The following AGO2 variants were observed in gnomAD, a reference collection of about 807,000 sequenced individuals.
The protein encoded by AGO2 is protein argonaute-2.
In AGO2, 5 loss-of-function variants were observed where a neutral mutation model predicts 102.3. The ratio of observed to expected loss-of-function variants is 0.05; its 90% CI spans 0.03 to 0.10. The LOEUF (loss-of-function observed/expected upper bound fraction) is 0.10. Ranked by LOEUF, AGO2 falls within the 10% of genes least tolerant of loss-of-function variation. AGO2 has a pLI of 1.00. For missense variants in AGO2, 541 were observed against 1,183.7 expected, an observed-to-expected ratio of 0.46 and a Z score of 7.97; for synonymous variants, 449 against 473.1, an observed-to-expected ratio of 0.95 and a Z score of 0.66.
In AGO2 at chr8:140,635,505, A is replaced by ATGG. The variant is rs2074396436; in HGVS notation, c.-2_1dup (p.Ala1_?0). ...CTCACCGGGGCCGGCTCCCGAGTAC[A>ATGG]TGGTGGCGCCGCCGAGGGGCTCCGG... On this transcript the variant is annotated start_lost and start_retained_variant, in exon 1 of 19. Transcript: ENST00000220592. 1.0e-6 allele frequency: 1 copy of ATGG among 978,178 alleles called. No homozygotes were observed. The highest frequency in any genetic ancestry group is 1.2e-6 in the Non-Finnish European group (1 of 827,310). The allele number at this position is 978,178 out of a possible 1,614,324, so 60.6% of individuals were successfully genotyped here.
intron 4 of AGO2, among the ~76,000 whole-genome samples, chr8:140,561,544 C>T (rs898100082): frequency 5.3e-5 from 8 of 152,242 alleles, no homozygotes; most frequent in African/African-American, 1.9e-4. Flanking sequence ...CCTTCCTCCA[C>T]CGATAGTTCA....
intron 1 of AGO2, among the ~76,000 whole-genome samples, chr8:140,611,644 G>A (rs2074080321): frequency 6.6e-6 from 1 of 152,010 alleles, no homozygotes; most frequent in Admixed American, 6.6e-5. Context: ...GGTCTCTTAA[G>A]CCTTTTGAAT....
At chr8:140,581,411 C>T (rs2073554752) in intron 2 of AGO2, among the ~76,000 whole-genome samples, 2 of 152,066 alleles carry the variant, frequency 1.3e-5, no homozygotes, top group African/African-American at 2.4e-5. Context: ...CTACTCCGGA[C>T]GGGTAGCTGA....
At chr8:140,607,368 G>A (rs2074010908) in intron 1 of AGO2, among the ~76,000 whole-genome samples, 1 of 151,230 alleles carries the variant, frequency 6.6e-6, no homozygotes, top group Non-Finnish European at 1.5e-5. Context: ...TGAGGCTGTA[G>A]TGTGCTATGA....
rs1022498843 is a variant in AGO2 at position 140,628,399 on chromosome 8, G to A, written c.22+7086C>T. Among the ~76,000 whole-genome samples the A allele has an allele frequency of 5.3e-5, 8 of 150,936 alleles. No homozygotes were observed. In the East Asian group the frequency reaches 1.5e-3, roughly 29 times the overall value. On this transcript the variant is annotated intron_variant, in intron 1 of 18. Transcript: ENST00000220592. ...GAGCTGCAGGCACGTGTGTGTGTGC[G>A]TGTGTGTGTGTTACATACCTGTGTG...
intron 1 of AGO2, among the ~76,000 whole-genome samples, chr8:140,623,995 G>A (rs959925775): frequency 9.5e-6 from 1 of 105,292 alleles, no homozygotes; most frequent in Non-Finnish European, 2.0e-5. Context: ...GGTCACAGTG[G>A]GTGATGGAGA....
chr8:140,565,652 A>AAAG (rs57015344), intron 3 of AGO2, among the ~76,000 whole-genome samples: 2,764 of 150,306 alleles, frequency 0.018, 56 homozygotes, highest in Middle Eastern at 0.069. Flanking sequence ...AAAAAAAAAA[A>AAAG]AAGAAGAAGA....
At chr8:140,627,309 C>CAAACTCACAACAGTTCTA (rs2074291206) in intron 1 of AGO2, among the ~76,000 whole-genome samples, 2 of 152,228 alleles carry the variant, frequency 1.3e-5, no homozygotes, top group Admixed American at 6.5e-5. Flanking sequence ...GTTGGAAAGA[C>CAAACTCACAACAGTTCTA]AAACTCACAA....
At chr8:140,624,779 T>C (rs1004179953) in intron 1 of AGO2, among the ~76,000 whole-genome samples, 1 of 152,200 alleles carries the variant, frequency 6.6e-6, no homozygotes, top group African/African-American at 2.4e-5. Flanking sequence ...ACCCATGTCA[T>C]GTGGTGACAT....
At chr8:140,611,226 C>CCACAGCACGTG (rs1429532312) in intron 1 of AGO2, among the ~76,000 whole-genome samples, 2 of 152,260 alleles carry the variant, frequency 1.3e-5, no homozygotes, top group African/African-American at 4.8e-5. Flanking sequence ...GGACTCACCA[C>CCACAGCACGTG]CACAGCACGT....
At chr8:140,555,078 A>G (rs2073072723) in intron 10 of AGO2, among the ~76,000 whole-genome samples, 2 of 152,238 alleles carry the variant, frequency 1.3e-5, no homozygotes, top group African/African-American at 4.8e-5. Context: ...ATAAAATTCC[A>G]TTAGGTAGAA....
At position 140,540,209 on chromosome 8, in the gene AGO2, G is replaced by A. The variant is rs1765799927; in HGVS notation, c.2035-755C>T. Among the ~76,000 whole-genome samples the A allele has an allele frequency of 6.6e-6, 1 of 152,340 alleles. No homozygotes were observed. Among genetic ancestry groups the A allele is most frequent in the African/African-American group, 2.4e-5 (1 of 41,590 alleles). ...ATTCTGTCCTCCCAGGAGGCCATGGGTCTCGGGAACGAGCTCTGCTTCCGC... is the reference window on the plus strand; with the variant it reads ...ATTCTGTCCTCCCAGGAGGCCATGGATCTCGGGAACGAGCTCTGCTTCCGC... On this transcript the variant is annotated intron_variant, in intron 15 of 18. Coordinates refer to ENST00000220592, the MANE Select transcript of AGO2 (RefSeq NM_012154.5). The surrounding 1 kb of genome is among the most constrained non-coding windows in gnomAD (Gnocchi z 5.0).
At position 140,590,397 on chromosome 8, in the gene AGO2, C is replaced by T. The variant is rs74616381; in HGVS notation, c.23-5086G>A. ...CCTGGCCACAGAAGCTGCCCAAACA[C>T]GGACGCCGAGGAAGCGGAGGCACAG... On this transcript the variant is annotated intron_variant, in intron 1 of 18. Transcript: ENST00000220592. Among the ~76,000 whole-genome samples, 687 of 152,348 alleles carry T rather than the reference C, an allele frequency of 4.5e-3. 5 individuals are homozygous for T. Among genetic ancestry groups the T allele is most frequent in the African/African-American group, 0.016 (654 of 41,582 alleles).
intron 1 of AGO2, among the ~76,000 whole-genome samples, chr8:140,603,254 C>G (rs892361884): frequency 1.3e-5 from 2 of 152,188 alleles, no homozygotes; most frequent in African/African-American, 4.8e-5. Context: ...GTCTGTCAGC[C>G]AAAAACACAC....
At chr8:140,563,546 T>G (rs1379793127) in intron 3 of AGO2, among the ~76,000 whole-genome samples, 2 of 152,180 alleles carry the variant, frequency 1.3e-5, no homozygotes, top group South Asian at 2.1e-4. Context: ...GACTCACCAC[T>G]TTTTATCCAT....
At chr8:140,544,162 G>A (rs773662192) in intron 14 of AGO2, 51 bp downstream of exon 14, 3 of 1,510,080 alleles carry the variant, frequency 2.0e-6, no homozygotes, top group Non-Finnish European at 2.6e-6. Context: ...GACTTCGACA[G>A]CGTCCTGCAT....
intron 1 of AGO2, among the ~76,000 whole-genome samples, chr8:140,596,114 G>A (rs987883361): frequency 6.7e-6 from 1 of 149,804 alleles, no homozygotes; most frequent in South Asian, 2.1e-4. Context: ...CTCCCAAAGT[G>A]TTGGGATTAC....
chr8:140,573,388 G>A (rs1457449613), intron 2 of AGO2, among the ~76,000 whole-genome samples: 5 of 151,646 alleles, frequency 3.3e-5, no homozygotes, highest in East Asian at 1.9e-4. Flanking sequence ...CATGTTGGCC[G>A]GGCTGGTCTC....
In AGO2 at chr8:140,524,259, A is replaced by G. The variant is rs1466284247; in HGVS notation, c.*7785T>C. ...CTTTTTTAAAAAATCTACTTCCATT[A>G]CAATAAATATTCTTCTCGAGTGACT... On this transcript the variant is annotated 3_prime_UTR_variant, in exon 19 of 19. Transcript: ENST00000220592. The G allele has an allele frequency of 6.6e-6, 1 of 152,256 alleles. No homozygotes were observed. Among genetic ancestry groups the G allele is most frequent in the African/African-American group, 2.4e-5 (1 of 41,464 alleles). 9.4% of individuals were successfully genotyped at this position (152,256 alleles called of 1,614,324 possible). A position where few individuals can be genotyped will look rare whatever the true frequency, so the allele number is the denominator to read the frequency against.
Sources: gnomAD v4.1 joint callset for allele counts (sites outside exome capture counted in the v4.1 genomes callset) on GRCh38, gnomAD v4.1.1 for gene constraint, Gnocchi (gnomAD v3.1) non-coding constraint, MANE v1.5 for transcripts, NCBI Gene and HGNC (gene_info 2026-07-23, HGNC 2026-07-21) for gene names.